DSCAM: variants seen among roughly 807,000 people sequenced by gnomAD.
DSCAM encodes the protein cell adhesion molecule DSCAM.
A neutral mutation model predicts 217.7 loss-of-function variants in DSCAM; 47 were observed. The observed-to-expected ratio is 0.22, with a 90% CI of 0.17 to 0.28. The LOEUF (loss-of-function observed/expected upper bound fraction) is 0.28. DSCAM is among the 10% of genes least tolerant of loss of function. The pLI is 1.00. For missense variants in DSCAM, 2,080 were observed against 2,618.3 expected (o/e 0.79, Z 4.49); for synonymous variants, 1,056 against 1,015.3 (o/e 1.04, Z -0.76).
chr21:40,283,952 G>C (rs573514897), intron 10 of DSCAM, among the ~76,000 whole-genome samples: 1 of 148,752 alleles, frequency 6.7e-6, no homozygotes, highest in African/African-American at 2.6e-5. Context: ...ATGGTCAGGC[G>C]GTAAGCTGTT....
intron 3 of DSCAM, among the ~76,000 whole-genome samples, chr21:40,561,163 A>G (rs772314902): frequency 3.3e-5 from 5 of 152,222 alleles, no homozygotes; most frequent in Non-Finnish European, 7.3e-5. Flanking sequence ...ATTGATAAGG[A>G]GCCAGGCTTC....
At chr21:40,027,141 A>G (rs2088406197) in intron 32 of DSCAM, among the ~76,000 whole-genome samples, 1 of 151,948 alleles carries the variant, frequency 6.6e-6, no homozygotes, top group Non-Finnish European at 1.5e-5. Flanking sequence ...TATGAAGCTT[A>G]GTTTGGCTGG....
At chr21:40,601,312 T>C (rs2077060165) in intron 3 of DSCAM, among the ~76,000 whole-genome samples, 1 of 152,222 alleles carries the variant, frequency 6.6e-6, no homozygotes. Flanking sequence ...CAAATTCCAA[T>C]TGTTTATTGC....
At chr21:40,689,653 G>T (rs541163440) in intron 3 of DSCAM, among the ~76,000 whole-genome samples, 1 of 152,182 alleles carries the variant, frequency 6.6e-6, no homozygotes, top group South Asian at 2.1e-4. Context: ...TGCAGAGTAC[G>T]AATGCTTCCT....
chr21:40,539,835 C>T (rs2076529661), intron 3 of DSCAM, among the ~76,000 whole-genome samples: 1 of 152,130 alleles, frequency 6.6e-6, no homozygotes, highest in Non-Finnish European at 1.5e-5. Context: ...AGATAAGACC[C>T]AGGGCATTCC....
chr21:40,639,214 A>C (rs1171260975), intron 3 of DSCAM, among the ~76,000 whole-genome samples: 1 of 152,092 alleles, frequency 6.6e-6, no homozygotes, highest in African/African-American at 2.4e-5. Context: ...ACGCCAAAAC[A>C]CGGCACCGCT....
At chr21:40,015,660 C>A (rs1162276770) in intron 32 of DSCAM, among the ~76,000 whole-genome samples, 1 of 152,182 alleles carries the variant, frequency 6.6e-6, no homozygotes, top group Non-Finnish European at 1.5e-5. Flanking sequence ...TGGTCTCAAA[C>A]TCTTGAACTC....
At position 40,639,019 on chromosome 21, in the gene DSCAM, G is replaced by A. The variant is rs185038712; in HGVS notation, c.508+53791C>T. On this transcript the variant is annotated intron_variant, in intron 3 of 32. Coordinates refer to ENST00000400454, the MANE Select transcript of DSCAM (RefSeq NM_001389.5). ...TCAGTTCTGTGACAGCTTTTCAGCA[G>A]GGGATTCCCATGTTTGCTCATTATT... Among the ~76,000 whole-genome samples the A allele has an allele frequency of 2.5e-3, 380 of 151,976 alleles. 3 individuals are homozygous for A. The highest frequency in any genetic ancestry group is 0.022 in the South Asian group (106 of 4,802).
At chr21:40,123,088 G>A (rs1243165750) in intron 20 of DSCAM, among the ~76,000 whole-genome samples, 1 of 152,158 alleles carries the variant, frequency 6.6e-6, no homozygotes, top group Non-Finnish European at 1.5e-5. Context: ...GAGGTCCCTA[G>A]AGGAGTCAAA....
intron 1 of DSCAM, among the ~76,000 whole-genome samples, chr21:40,826,119 A>T (rs906162058): frequency 1.3e-5 from 2 of 152,266 alleles, no homozygotes; most frequent in African/African-American, 4.8e-5. Flanking sequence ...TTCCACAAAG[A>T]AACCTGAAGC....
intron 5 of DSCAM, among the ~76,000 whole-genome samples, chr21:40,350,877 CTT>C (rs10658416): frequency 0.034 from 2,172 of 63,640 alleles, 22 homozygotes; most frequent in African/African-American, 0.056. Flanking sequence ...ATAAGTCATA[CTT>C]TTTTTTTTTT....
At chr21:40,812,976 G>A (rs1307000801) in intron 1 of DSCAM, among the ~76,000 whole-genome samples, 1 of 152,156 alleles carries the variant, frequency 6.6e-6, no homozygotes, top group Non-Finnish European at 1.5e-5. Context: ...GTGATCTTGG[G>A]GTAAATTGTT....
intron 1 of DSCAM, among the ~76,000 whole-genome samples, chr21:40,783,646 A>G (rs984643614): frequency 1.3e-5 from 2 of 152,234 alleles, no homozygotes; most frequent in African/African-American, 4.8e-5. Context: ...ACACCTCTCA[A>G]AAATCACTGC....
At position 40,767,281 on chromosome 21, in the gene DSCAM, T is replaced by TA. The variant is rs201694889; in HGVS notation, c.44-58511_44-58510insT. 7.5e-3 allele frequency among the ~76,000 whole-genome samples: 1,141 copies of TA among 151,960 alleles called. 16 individuals carry two copies. The highest frequency in any genetic ancestry group is 0.026 in the African/African-American group (1,087 of 41,434). On this transcript the variant is annotated intron_variant, in intron 1 of 32. Transcript: ENST00000400454. Reference sequence around the variant, plus strand: ...AGGTAGTGGGTCTCACATGAAAAAATTTCAATCTGAAATAAGGGTCGTAGA... The same window carrying TA: ...AGGTAGTGGGTCTCACATGAAAAAATATTCAATCTGAAATAAGGGTCGTAGA...
At chr21:40,342,648 A>ATATATATATATATATATTT (rs61637421) in intron 6 of DSCAM, among the ~76,000 whole-genome samples, 1 of 80,320 alleles carries the variant, frequency 1.2e-5, no homozygotes, top group African/African-American at 5.2e-5. Context: ...ATATATATAT[A>ATATATATATATATATATTT]TTTTTTTTTT....
At chr21:40,754,043 T>C (rs553685934) in intron 1 of DSCAM, among the ~76,000 whole-genome samples, 5 of 152,322 alleles carry the variant, frequency 3.3e-5, no homozygotes, top group African/African-American at 9.6e-5. Flanking sequence ...AACATGACAG[T>C]GACAGCAATG....
intron 2 of DSCAM, among the ~76,000 whole-genome samples, chr21:40,696,098 C>T (rs551533112): frequency 3.2e-4 from 49 of 152,048 alleles, no homozygotes; most frequent in Non-Finnish European, 6.0e-4. Context: ...AAAAAATACA[C>T]TTTGTTTTAA....
chr21:40,607,263 G>A (rs945508490), intron 3 of DSCAM, among the ~76,000 whole-genome samples: 1 of 152,224 alleles, frequency 6.6e-6, no homozygotes, highest in Non-Finnish European at 1.5e-5. Flanking sequence ...TCACAATTAT[G>A]CCTGTGCTGT....
intron 3 of DSCAM, among the ~76,000 whole-genome samples, chr21:40,481,530 C>CAAAAA (rs34586895): frequency 1.7e-5 from 1 of 60,486 alleles, no homozygotes; most frequent in Non-Finnish European, 3.0e-5. Context: ...ACTCTGTCTC[C>CAAAAA]AAAAAAAAAA....
Sources: gnomAD v4.1 joint callset for allele counts (sites outside exome capture counted in the v4.1 genomes callset) on GRCh38, gnomAD v4.1.1 for gene constraint, MANE v1.5 for transcripts, NCBI Gene and HGNC (gene_info 2026-07-23, HGNC 2026-07-21) for gene names.